INSIG2: variants seen among roughly 807,000 people sequenced by gnomAD.
The protein encoded by INSIG2 is insulin induced gene 2.
In INSIG2, 10 loss-of-function variants were observed where a neutral mutation model predicts 27.2. That is an observed-to-expected ratio of 0.37 (90% CI 0.23 to 0.62). The LOEUF is 0.62. Ranked by LOEUF, INSIG2 falls within the 20% of genes least tolerant of loss-of-function variation. INSIG2 has a pLI of 0.65. For missense variants in INSIG2, 178 were observed against 270.2 expected, an observed-to-expected ratio of 0.66 and a Z score of 2.39; for synonymous variants, 97 against 95.8, an observed-to-expected ratio of 1.01 and a Z score of -0.07.
chr2:118,100,140 C>A (rs1464941229), intron 2 of INSIG2, among the ~76,000 whole-genome samples: 8 of 152,196 alleles, frequency 5.3e-5, no homozygotes, highest in Admixed American at 2.6e-4. Context: ...ATGTCCTCAG[C>A]CACCTCCCTT....
At chr2:118,097,677 A>G (rs555398281) in intron 2 of INSIG2, among the ~76,000 whole-genome samples, 23 of 152,228 alleles carry the variant, frequency 1.5e-4, no homozygotes, top group Non-Finnish European at 2.8e-4. Context: ...TGTTTTTAAT[A>G]ATAAAGTAAT....
Position 118,100,172 on chromosome 2 carries a change from G to A in INSIG2, c.245-3025G>A, listed in dbSNP as rs78751357. ...CCTTTAATGAGAGCACTATTTCTGCGCCATTTACTGCTGAATGCTCCTGCC... is the reference window on the plus strand; with the variant it reads ...CCTTTAATGAGAGCACTATTTCTGCACCATTTACTGCTGAATGCTCCTGCC... On this transcript the variant is annotated intron_variant, in intron 2 of 5. Coordinates refer to ENST00000245787, the MANE Select transcript of INSIG2 (RefSeq NM_016133.4). Among the ~76,000 whole-genome samples the A allele has an allele frequency of 1.1e-3, 173 of 151,188 alleles. 1 individual carries two copies. In the East Asian group the frequency reaches 0.021, roughly 18 times the overall value.
chr2:118,096,613 A>T lies in INSIG2; in HGVS notation c.57A>T (p.Ser19=), dbSNP rs758105525. Residue 19 remains serine, a synonymous_variant, in exon 2 of 6, where the codon TCA becomes TCT. Transcript: ENST00000245787. Reference sequence around the variant, plus strand: ...CCAAAAAGTGTGGCCCATATATTTCATCTGTCACTAGCCAGAGTGTGAACT... The same window carrying T: ...CCAAAAAGTGTGGCCCATATATTTCTTCTGTCACTAGCCAGAGTGTGAACT... ...PGPKKCGPYI[S]SVTSQSVNLM... is the part of the protein sequence containing the mutation. The T allele has an allele frequency of 7.4e-6, 12 of 1,613,586 alleles. No individual in the cohort carries two copies. The highest frequency in any genetic ancestry group is 3.3e-4 in the Middle Eastern group (2 of 6,084).
At chr2:118,097,924 A>G (rs1678449385) in intron 2 of INSIG2, among the ~76,000 whole-genome samples, 1 of 152,176 alleles carries the variant, frequency 6.6e-6, no homozygotes, top group Non-Finnish European at 1.5e-5. Flanking sequence ...CCTGTTGCAC[A>G]GTTAGAGGGG....
At chr2:118,105,202 G>C (rs1040270879) in intron 3 of INSIG2, among the ~76,000 whole-genome samples, 1 of 150,928 alleles carries the variant, frequency 6.6e-6, no homozygotes, top group South Asian at 2.1e-4. Flanking sequence ...CACCACACCC[G>C]GTGAATTTTT....
At chr2:118,098,532 T>C (rs971110664) in intron 2 of INSIG2, among the ~76,000 whole-genome samples, 2 of 152,160 alleles carry the variant, frequency 1.3e-5, no homozygotes, top group African/African-American at 4.8e-5. Flanking sequence ...TTCCCCCTAC[T>C]CAGGATGCCA....
intron 1 of INSIG2, among the ~76,000 whole-genome samples, chr2:118,089,670 T>A (rs567798060): frequency 3.3e-5 from 5 of 152,344 alleles, no homozygotes; most frequent in African/African-American, 1.2e-4. Flanking sequence ...CATTGTGTTA[T>A]GTCGTAGTTC....
chr2:118,102,358 C>T (rs1678567529), intron 2 of INSIG2, among the ~76,000 whole-genome samples: 1 of 152,184 alleles, frequency 6.6e-6, no homozygotes, highest in Admixed American at 6.5e-5. Flanking sequence ...CAATCATTGA[C>T]ATTTTATATA....
intron 2 of INSIG2, among the ~76,000 whole-genome samples, chr2:118,102,103 C>T (rs1367093528): frequency 2.0e-5 from 3 of 152,112 alleles, no homozygotes; most frequent in Admixed American, 6.5e-5. Context: ...TAGATTTTGG[C>T]GTTGTAATTT....
Position 118,096,724 on chromosome 2 carries a change from G to A in INSIG2, c.168G>A (p.Thr56=), listed in dbSNP as rs376950162. The A allele has an allele frequency of 2.9e-5, 47 of 1,613,704 alleles. No individual in the cohort carries two copies. The highest frequency in any genetic ancestry group is 3.6e-5 in the Non-Finnish European group (42 of 1,179,846). Residue 56 remains threonine (T), a synonymous_variant, in exon 2 of 6, where the codon ACG becomes ACA. Transcript: ENST00000245787. ...LNLLQIQRNV[T]LFPPDVIASI... is the part of the protein sequence containing the mutation. ...TACTTCAGATTCAGAGAAATGTGAC[G>A]CTCTTTCCACCTGATGTGATTGCAA...
At chr2:118,105,224 G>A (rs921839784) in intron 3 of INSIG2, among the ~76,000 whole-genome samples, 1 of 150,182 alleles carries the variant, frequency 6.7e-6, no homozygotes, top group African/African-American at 2.5e-5. Context: ...TGTATTTTTA[G>A]TAGAGATGGG....
chr2:118,109,497 G>A lies in INSIG2; in HGVS notation c.*1175G>A, dbSNP rs896241221. On this transcript the variant is annotated 3_prime_UTR_variant, in exon 6 of 6. Transcript: ENST00000245787. ...ATGGCAACCAGCACCTCTTAAGTAT[G>A]GTTTAAACATATTCTTAGCTAATTT... 1.3e-5 allele frequency: 2 copies of A among 152,182 alleles called. No homozygotes were observed. Among genetic ancestry groups the A allele is most frequent in the African/African-American group, 4.8e-5 (2 of 41,376 alleles). 9.4% of individuals were successfully genotyped at this position (152,182 alleles called of 1,614,324 possible). A position where few individuals can be genotyped will look rare whatever the true frequency, so the allele number is the denominator to read the frequency against.
chr2:118,101,285 A>T (rs1678538473), intron 2 of INSIG2, among the ~76,000 whole-genome samples: 1 of 152,228 alleles, frequency 6.6e-6, no homozygotes. Context: ...AGAACCATGC[A>T]TACTCAATGG....
chr2:118,100,830 T>C (rs1315356345), intron 2 of INSIG2, among the ~76,000 whole-genome samples: 2 of 152,226 alleles, frequency 1.3e-5, no homozygotes, highest in Admixed American at 6.5e-5. Flanking sequence ...TTACAAAATG[T>C]CTGACTTTAA....
At chr2:118,090,371 T>C (rs1558830943) in intron 1 of INSIG2, among the ~76,000 whole-genome samples, 1 of 152,228 alleles carries the variant, frequency 6.6e-6, no homozygotes. Flanking sequence ...TGTATGTGTG[T>C]TTGTTTTCAA....
At chr2:118,097,151 G>A (rs748442796) in intron 2 of INSIG2, among the ~76,000 whole-genome samples, 12 of 110,570 alleles carry the variant, frequency 1.1e-4, no homozygotes, top group African/African-American at 3.2e-4. Flanking sequence ...GGCTCATAAC[G>A]TATGTACTCC....
intron 3 of INSIG2, among the ~76,000 whole-genome samples, chr2:118,105,109 T>TGGCTCACTGCAAGCTTC (rs1337120502): frequency 6.6e-6 from 1 of 151,944 alleles, no homozygotes; most frequent in African/African-American, 2.4e-5. Context: ...GGCACAATCT[T>TGGCTCACTGCAAGCTTC]GGCTCACTGC....
rs1678594514 is a variant in INSIG2, at chr2:118,103,281, G to A, written c.329G>A (p.Arg110Gln). 4.3e-6 allele frequency: 7 copies of A among 1,613,442 alleles called. No individual in the cohort carries two copies. Among genetic ancestry groups the A allele is most frequent in the Non-Finnish European group, 5.9e-6 (7 of 1,179,568 alleles). ...KFKREWSSVMRCVAVFVGINH... is the reference protein window; with the variant it reads ...KFKREWSSVMQCVAVFVGINH... ...AAAAGAGAGTGGTCCAGTGTAATGC[G>A]GTGTGTAGCAGTCTTTGTTGGTATA... The change falls in exon 3 of 6, where the codon CGG (arginine) becomes CAG (glutamine). Residue 110 changes from arginine to glutamine, a missense_variant. Transcript: ENST00000245787.
At chr2:118,102,669 G>C (rs745641348) in intron 2 of INSIG2, 6 of 154,004 alleles carry the variant, frequency 3.9e-5, no homozygotes, top group Non-Finnish European at 8.7e-5. Context: ...GTAGGGGCGA[G>C]ACTGATCTAC....
Sources: allele counts gnomAD v4.1 joint callset (sites outside exome capture counted in the v4.1 genomes callset), GRCh38; gene constraint gnomAD v4.1.1; transcripts MANE v1.5; gene names NCBI Gene and HGNC (gene_info 2026-07-23, HGNC 2026-07-21).